DNPEP: variants seen among roughly 807,000 people sequenced by gnomAD.
The protein encoded by DNPEP is aspartyl aminopeptidase.
A neutral mutation model predicts 59.1 loss-of-function variants in DNPEP; 46 were observed. The observed-to-expected ratio is 0.78, with a 90% CI of 0.61 to 0.99. The LOEUF is 0.99. Among genes scored for constraint, DNPEP ranks in the 50% least tolerant of loss-of-function variants. The pLI is 0.00. For missense variants in DNPEP, 617 were observed against 649.9 expected, an observed-to-expected ratio of 0.95 and a Z score of 0.55; for synonymous variants, 229 against 242.2, an observed-to-expected ratio of 0.95 and a Z score of 0.50.
Position 219,385,665 on chromosome 2 carries a change from T to A in DNPEP, c.632A>T (p.Lys211Met). 6.2e-7 allele frequency: 1 copy of A among 1,611,008 alleles called. No homozygotes were observed. Among genetic ancestry groups the A allele is most frequent in the South Asian group, 1.1e-5 (1 of 90,338 alleles). ...GAGAGGCCCTGGCTCAGGAGTCCCC[T>A]TCTCCAGCTCCTCCTGGATGGCTGT... ...LATAIQEELE[K>M]GTPEPGPLNA... Residue 211 changes from lysine to methionine, a missense_variant, in exon 7 of 15, where the codon AAG becomes ATG. By Grantham distance (95) the Lys-to-Met change is moderately conservative. Transcript: ENST00000273075.
upstream of DNPEP, among the ~76,000 whole-genome samples, chr2:219,391,886 AG>A (rs1954021887): frequency 6.6e-6 from 1 of 151,436 alleles, no homozygotes; most frequent in Non-Finnish European, 1.5e-5. Flanking sequence ...AAAAAAAAAA[AG>A]GTCAGTCTTT....
intron 4 of DNPEP, 70 bp from the exon 5 acceptor site, chr2:219,386,481 A>C: frequency 6.2e-7 from 1 of 1,601,352 alleles, no homozygotes; most frequent in Non-Finnish European, 8.5e-7. Context: ...TTGGCTACTC[A>C]TAAGTAACAG....
At chr2:219,378,816 C>T (rs1468012928) in intron 13 of DNPEP, among the ~76,000 whole-genome samples, 2 of 152,062 alleles carry the variant, frequency 1.3e-5, no homozygotes, top group East Asian at 1.9e-4. Context: ...TACTGCCAGT[C>T]GTATAAAAGC....
intron 4 of DNPEP, 86 bp from the exon 5 acceptor site, chr2:219,386,497 G>A (rs1953843025): frequency 9.0e-6 from 14 of 1,562,494 alleles, no homozygotes; most frequent in Admixed American, 3.4e-5. Flanking sequence ...AACAGACAGC[G>A]AATATTAGTG....
upstream of DNPEP, among the ~76,000 whole-genome samples, chr2:219,391,570 G>T (rs577736708): frequency 6.6e-6 from 1 of 151,874 alleles, no homozygotes; most frequent in Non-Finnish European, 1.5e-5. Flanking sequence ...ATATAATTTA[G>T]TTTTTTTTAA....
rs370272784 is a variant in DNPEP at position 219,375,036 on chromosome 2, G to A, written c.1240-14C>T. Reference sequence around the variant, plus strand: ...GACCATGAGATCCTAGGGAGAGCAGGAGACCCATGAGCAACATGCAGTGTG... The same window carrying A: ...GACCATGAGATCCTAGGGAGAGCAGAAGACCCATGAGCAACATGCAGTGTG... On this transcript the variant is annotated splice_polypyrimidine_tract_variant and intron_variant, in intron 13 of 14. Coordinates refer to ENST00000273075, the MANE Select transcript of DNPEP (RefSeq NM_012100.4). 123 of 1,613,512 alleles carry A rather than the reference G, an allele frequency of 7.6e-5. No homozygotes were observed. The highest frequency in any genetic ancestry group is 9.9e-5 in the Non-Finnish European group (117 of 1,179,818).
Position 219,387,342 on chromosome 2 carries a change from A to G in DNPEP, c.37-179T>C, listed in dbSNP as rs1437068672. 2.8e-6 allele frequency: 4 copies of G among 1,440,560 alleles called. No homozygotes were observed. In the African/African-American group the frequency reaches 5.9e-5, roughly 21 times the overall value. 89.2% of individuals were successfully genotyped at this position (1,440,560 alleles called of 1,614,324 possible). On this transcript the variant is annotated intron_variant, in intron 1 of 14. Transcript: ENST00000273075. ...GGGCTGAAACTCCGTTGAAAGCTTC[A>G]GCCCGCCGGCCCAGGATCATGAGCC...
In DNPEP at chr2:219,383,264, G is replaced by C. The variant is rs200971982; in HGVS notation, c.853-50C>G. 3.4e-4 allele frequency: 535 copies of C among 1,555,504 alleles called. 4 individuals carry two copies. In the African/African-American group the frequency reaches 4.8e-3, roughly 14 times the overall value. On this transcript the variant is annotated intron_variant, in intron 9 of 14. Coordinates refer to ENST00000273075, the MANE Select transcript of DNPEP (RefSeq NM_012100.4). ...CATCATCTCCAACCTGCTTCTGCTG[G>C]AACTCAGCCCACCAGCACCTTGGGT...
upstream of DNPEP, among the ~76,000 whole-genome samples, chr2:219,392,947 G>A (rs1954041775): frequency 6.6e-6 from 1 of 152,018 alleles, no homozygotes; most frequent in Non-Finnish European, 1.5e-5. Context: ...CTCTAGATTT[G>A]CGGACTTGCC....
In DNPEP at chr2:219,373,706, C is replaced by T. The variant is rs1953262623; in HGVS notation, c.*586G>A. ...AATTTTTTCAATGATAATCTTTTTT[C>T]CTGATAATATGTTCACAATCAAGTA... is the stretch of plus-strand genomic sequence containing the variant. On this transcript the variant is annotated 3_prime_UTR_variant, in exon 15 of 15. Coordinates refer to ENST00000273075, the MANE Select transcript of DNPEP (RefSeq NM_012100.4). 6.6e-6 allele frequency: 1 copy of T among 152,250 alleles called. No homozygotes were observed. The allele number at this position is 152,250 out of a possible 1,614,324, so 9.4% of individuals were successfully genotyped here.
chr2:219,385,419 C>G lies in DNPEP; in HGVS notation c.774+5G>C. The G allele has an allele frequency of 6.2e-7, 1 of 1,604,256 alleles. No individual in the cohort carries two copies. Among genetic ancestry groups the G allele is most frequent in the Non-Finnish European group, 8.5e-7 (1 of 1,171,492 alleles). On this transcript the variant is annotated splice_donor_5th_base_variant and intron_variant, in intron 8 of 14. Transcript: ENST00000273075. ...CACCCACAGGTTCCTACAGCCAGTC[C>G]TCACCGCAGGCTGGGTGTCTGCAAG...
At chr2:219,380,842 T>TACACACACACACACATACAC (rs1953564785) in intron 13 of DNPEP, among the ~76,000 whole-genome samples, 1 of 145,682 alleles carries the variant, frequency 6.9e-6, no homozygotes, top group Admixed American at 6.9e-5. Context: ...CATATATATG[T>TACACACACACACACATACAC]ACACACACAC....
At chr2:219,380,330 A>G (rs1031755854) in intron 13 of DNPEP, among the ~76,000 whole-genome samples, 1 of 151,486 alleles carries the variant, frequency 6.6e-6, no homozygotes, top group African/African-American at 2.4e-5. Context: ...ATCCTTCCCA[A>G]GTAGGGAAGG....
exon 1 of DNPEP, chr2:219,400,001 C>G: frequency 8.6e-7 from 1 of 1,165,794 alleles, no homozygotes; most frequent in Non-Finnish European, 1.2e-6. Context: ...GATCCTTCCC[C>G]TGCCTTGGGC....
At chr2:219,394,641 C>T (rs1261962931) in intron 1 of DNPEP, among the ~76,000 whole-genome samples, 2 of 152,132 alleles carry the variant, frequency 1.3e-5, no homozygotes, top group Admixed American at 6.6e-5. Flanking sequence ...ACCCTCACTC[C>T]CTTGCTAATG....
At position 219,386,088 on chromosome 2, in the gene DNPEP, G is replaced by A. The variant is rs1953815794; in HGVS notation, c.470C>T (p.Ser157Leu). Reference protein sequence around the residue: ...AGRVIVKCPTSGRLEQQLVHV... With the variant: ...AGRVIVKCPTLGRLEQQLVHV... ...CACCAGCTGCTGCTCCAGCCGACCT[G>A]AGGTAGGGCACTGCAGCCAGCCAGG... The change falls in exon 6 of 15, where the codon TCA becomes TTA. Residue 157 changes from serine (S) to leucine (L), a missense_variant. Coordinates refer to ENST00000273075, the MANE Select transcript of DNPEP (RefSeq NM_012100.4). 4.3e-6 allele frequency: 7 copies of A among 1,614,054 alleles called. No individual in the cohort carries two copies. The highest frequency in any genetic ancestry group is 5.9e-6 in the Non-Finnish European group (7 of 1,180,000).
intron 13 of DNPEP, among the ~76,000 whole-genome samples, chr2:219,376,418 G>A (rs1212420059): frequency 6.6e-6 from 1 of 151,642 alleles, no homozygotes; most frequent in African/African-American, 2.4e-5. Context: ...CACCTGTGGG[G>A]AGGAGGTTGC....
Position 219,374,054 on chromosome 2 carries a change from A to G in DNPEP, c.*238T>C. ...CAGACATGGACTTGAGACAGAGAAGAGATTTAAAACCAGATTTAAAACCAT... is the reference window on the plus strand; with the variant it reads ...CAGACATGGACTTGAGACAGAGAAGGGATTTAAAACCAGATTTAAAACCAT... On this transcript the variant is annotated 3_prime_UTR_variant, in exon 15 of 15. Transcript: ENST00000273075. The G allele has an allele frequency of 2.0e-6, 1 of 498,372 alleles. No homozygotes were observed. Among genetic ancestry groups the G allele is most frequent in the Non-Finnish European group, 3.6e-6 (1 of 277,714 alleles). The allele number at this position is 498,372 out of a possible 1,614,324, so 30.9% of individuals were successfully genotyped here. A position where few individuals can be genotyped will look rare whatever the true frequency, so the allele number is the denominator to read the frequency against.
intron 4 of DNPEP, 49 bp from the exon 5 acceptor site, chr2:219,386,460 G>C: frequency 6.2e-7 from 1 of 1,611,166 alleles, no homozygotes; most frequent in Non-Finnish European, 8.5e-7. Context: ...ACGATATGTG[G>C]AGATGAGACT....
Sources: allele counts gnomAD v4.1 joint callset (sites outside exome capture counted in the v4.1 genomes callset), GRCh38; gene constraint gnomAD v4.1.1; transcripts MANE v1.5; gene names NCBI Gene and HGNC (gene_info 2026-07-23, HGNC 2026-07-21).